Variants in EPHB1 observed in about 807,000 individuals in gnomAD.
EPHB1 encodes the protein EPH receptor B1, also known as ephrin type-B receptor 1.
In EPHB1, 30 loss-of-function variants were observed where a neutral mutation model predicts 94.4. That is an observed-to-expected ratio of 0.32 (90% confidence interval 0.24 to 0.43). The LOEUF (loss-of-function observed/expected upper bound fraction) is 0.43, where lower values mean the gene tolerates loss of function less well. Ranked by LOEUF, EPHB1 falls within the 20% of genes least tolerant of loss-of-function variation. The pLI is 1.00. For synonymous variants in EPHB1, 522 were observed against 489.1 expected (o/e 1.07, Z -0.89); for missense variants, 1,055 against 1,308.3 (o/e 0.81, Z 2.99).
intron 1 of EPHB1, among the ~76,000 whole-genome samples, chr3:134,884,635 T>G (rs2108313242): frequency 6.6e-6 from 1 of 152,346 alleles, no homozygotes; most frequent in East Asian, 1.9e-4. Context: ...GGATAAAATT[T>G]AATAATACTC....
intron 5 of EPHB1, among the ~76,000 whole-genome samples, chr3:135,138,515 CAAAATT>C (rs1940702650): frequency 6.6e-6 from 1 of 152,056 alleles, no homozygotes. Context: ...ATGTAAATCT[CAAAATT>C]AAATATTAAA....
At chr3:134,960,074 G>C (rs1232416787) in intron 3 of EPHB1, among the ~76,000 whole-genome samples, 1 of 138,146 alleles carries the variant, frequency 7.2e-6, no homozygotes, top group Non-Finnish European at 1.5e-5. Flanking sequence ...CTGAATCCAA[G>C]CCTGCCTGCA....
intron 3 of EPHB1, among the ~76,000 whole-genome samples, chr3:134,977,560 T>G (rs1258414973): frequency 6.6e-6 from 1 of 152,222 alleles, no homozygotes; most frequent in Non-Finnish European, 1.5e-5. Context: ...CCTGCCATGC[T>G]GACCACATTC....
chr3:134,892,542 C>A (rs190206673), intron 1 of EPHB1, among the ~76,000 whole-genome samples: 281 of 152,370 alleles, frequency 1.8e-3, no homozygotes, highest in Non-Finnish European at 3.1e-3. Context: ...CCATCAATCA[C>A]TCCCTAGGTG....
chr3:134,813,747 G>T (rs1347485023), intron 1 of EPHB1, among the ~76,000 whole-genome samples: 1 of 152,194 alleles, frequency 6.6e-6, no homozygotes, highest in Non-Finnish European at 1.5e-5. Context: ...CAACACTGGG[G>T]ATGATGTAGG....
At chr3:135,032,627 G>C (rs1936515537) in intron 3 of EPHB1, among the ~76,000 whole-genome samples, 1 of 152,278 alleles carries the variant, frequency 6.6e-6, no homozygotes, top group Admixed American at 6.5e-5. Context: ...TGAGTGGCGG[G>C]GGCTGATTGA....
At chr3:134,887,108 C>T (rs1484943938) in intron 1 of EPHB1, among the ~76,000 whole-genome samples, 4 of 152,180 alleles carry the variant, frequency 2.6e-5, no homozygotes, top group Non-Finnish European at 2.9e-5. Flanking sequence ...TTGGCCAGGT[C>T]GTTTCTCTTC....
At chr3:135,190,960 A>G (rs9837009) in intron 10 of EPHB1, among the ~76,000 whole-genome samples, 66,091 of 151,984 alleles carry the variant, frequency 0.43, 14,905 homozygotes, top group East Asian at 0.7. Context: ...GCAGTGTTGC[A>G]GCCAGGTGCA....
At chr3:135,103,132 TAAAGTA>T (rs1265980969) in intron 3 of EPHB1, among the ~76,000 whole-genome samples, 2 of 151,818 alleles carry the variant, frequency 1.3e-5, no homozygotes, top group East Asian at 3.9e-4. Flanking sequence ...TCCCACAACT[TAAAGTA>T]AAAAAAAGAA....
intron 1 of EPHB1, among the ~76,000 whole-genome samples, chr3:134,836,513 G>A (rs1205230939): frequency 6.6e-6 from 1 of 152,260 alleles, no homozygotes; most frequent in East Asian, 1.9e-4. Flanking sequence ...TATATGACGT[G>A]ATATATACTT....
In EPHB1 at chr3:135,251,602, C is replaced by A. The variant is rs145000251; in HGVS notation, c.2846+2111C>A. On this transcript the variant is annotated intron_variant, in intron 15 of 15. Transcript: ENST00000398015. ...GTAAAAGATGGAAAAAGAAACTGAG[C>A]AACTTAATAAAATAGATTGTGGGAC... is the stretch of plus-strand genomic sequence containing the variant. Among the ~76,000 whole-genome samples, 402 of 152,290 alleles carry A rather than the reference C, an allele frequency of 2.6e-3. 2 individuals carry two copies. The highest frequency in any genetic ancestry group is 9.1e-3 in the African/African-American group (377 of 41,546).
chr3:134,818,305 C>T (rs2036308781), intron 1 of EPHB1, among the ~76,000 whole-genome samples: 1 of 152,172 alleles, frequency 6.6e-6, no homozygotes, highest in Non-Finnish European at 1.5e-5. Context: ...AGGCAGGCAG[C>T]CTCCTTGGCT....
At chr3:135,061,370 C>CCG (rs201860693) in intron 3 of EPHB1, among the ~76,000 whole-genome samples, 3 of 124,934 alleles carry the variant, frequency 2.4e-5, no homozygotes, top group Non-Finnish European at 5.1e-5. Context: ...GAATGACCAC[C>CCG]CCCCCCGACC....
chr3:135,238,042 TTGA>T (rs775988396), intron 12 of EPHB1, among the ~76,000 whole-genome samples: 2 of 152,204 alleles, frequency 1.3e-5, no homozygotes, highest in African/African-American at 4.8e-5. Flanking sequence ...TAATCATCAC[TTGA>T]TGATATTAAT....
chr3:134,819,136 G>A (rs555852754), intron 1 of EPHB1, among the ~76,000 whole-genome samples: 1 of 152,320 alleles, frequency 6.6e-6, no homozygotes, highest in East Asian at 1.9e-4. Flanking sequence ...TGGCAGGTGG[G>A]ATTTTTGCTG....
chr3:134,892,095 T>C (rs2037995414), intron 1 of EPHB1, among the ~76,000 whole-genome samples: 1 of 152,252 alleles, frequency 6.6e-6, no homozygotes, highest in Non-Finnish European at 1.5e-5. Context: ...TTAAAGCAGG[T>C]TCTTTTTCAG....
At chr3:135,197,652 G>A (rs1218168493) in intron 11 of EPHB1, among the ~76,000 whole-genome samples, 3 of 152,194 alleles carry the variant, frequency 2.0e-5, no homozygotes, top group African/African-American at 7.2e-5. Flanking sequence ...CCAGCAAGTG[G>A]CTTCGGTGCA....
chr3:134,935,853 A>T (rs1480367435), intron 2 of EPHB1, among the ~76,000 whole-genome samples: 1 of 152,216 alleles, frequency 6.6e-6, no homozygotes, highest in African/African-American at 2.4e-5. Context: ...TACACTAATC[A>T]TCACGATTAA....
intron 15 of EPHB1, among the ~76,000 whole-genome samples, chr3:135,254,763 A>G (rs373538189): frequency 6.6e-6 from 1 of 151,816 alleles, no homozygotes; most frequent in Non-Finnish European, 1.5e-5. Context: ...CTCTTTTTCT[A>G]TTGATTGGAA....
Sources: gnomAD v4.1 joint callset for allele counts (sites outside exome capture counted in the v4.1 genomes callset) on GRCh38, gnomAD v4.1.1 for gene constraint, MANE v1.5 for transcripts, NCBI Gene and HGNC (gene_info 2026-07-23, HGNC 2026-07-21) for gene names.